The following KCNJ10 variants were observed in gnomAD, a reference collection of about 807,000 sequenced individuals.
KCNJ10 encodes potassium inwardly rectifying channel subfamily J member 10.
A neutral mutation model predicts 22.2 loss-of-function variants in KCNJ10; 9 were observed. The observed-to-expected ratio is 0.40, with a 90% CI of 0.24 to 0.71. KCNJ10 has a LOEUF of 0.71. Among genes scored for constraint, KCNJ10 ranks in the 30% least tolerant of loss-of-function variants. KCNJ10 has a pLI of 0.35. For missense variants in KCNJ10, 337 were observed against 482.7 expected, an observed-to-expected ratio of 0.70 and a Z score of 2.83; for synonymous variants, 184 against 187.3, an observed-to-expected ratio of 0.98 and a Z score of 0.15.
At chr1:160,058,804 C>T (rs1649109118) in intron 1 of KCNJ10, among the ~76,000 whole-genome samples, 1 of 152,202 alleles carries the variant, frequency 6.6e-6, no homozygotes, top group African/African-American at 2.4e-5. Context: ...CACACAAAAC[C>T]TCTCGGTTCT....
At chr1:160,053,626 G>C (rs1292097100) in intron 1 of KCNJ10, among the ~76,000 whole-genome samples, 1 of 151,978 alleles carries the variant, frequency 6.6e-6, no homozygotes, top group Non-Finnish European at 1.5e-5. Context: ...GTGTGTGTGT[G>C]TGTGTGTCCT....
chr1:160,052,747 G>T (rs1648933164), intron 1 of KCNJ10, among the ~76,000 whole-genome samples: 1 of 152,198 alleles, frequency 6.6e-6, no homozygotes, highest in African/African-American at 2.4e-5. Context: ...TGTGACCTCA[G>T]TCAAGCCTCT....
At chr1:160,056,250 C>A (rs1039902603) in intron 1 of KCNJ10, among the ~76,000 whole-genome samples, 4 of 152,140 alleles carry the variant, frequency 2.6e-5, no homozygotes, top group African/African-American at 9.7e-5. Context: ...CACATTCTGA[C>A]CCCATCACTT....
intron 1 of KCNJ10, among the ~76,000 whole-genome samples, chr1:160,059,277 G>C (rs1649126038): frequency 6.6e-6 from 1 of 152,116 alleles, no homozygotes; most frequent in Non-Finnish European, 1.5e-5. Flanking sequence ...AGTCCTCTAT[G>C]GTCATCACGT....
intron 1 of KCNJ10, among the ~76,000 whole-genome samples, chr1:160,049,671 T>TTATTTATATATATATA (rs1648830486): frequency 9.0e-5 from 5 of 55,500 alleles, no homozygotes; most frequent in Non-Finnish European, 1.8e-4. Flanking sequence ...AGCATTTTAT[T>TTATTTATATATATATA]TATTTATATA....
intron 1 of KCNJ10, among the ~76,000 whole-genome samples, chr1:160,052,892 A>C (rs1648936163): frequency 6.6e-6 from 1 of 152,230 alleles, no homozygotes; most frequent in Non-Finnish European, 1.5e-5. Context: ...TATTTCCTGA[A>C]GTTATCAATT....
chr1:160,049,722 T>TTTATATATATATA (rs1648856964), intron 1 of KCNJ10, among the ~76,000 whole-genome samples: 1 of 122,898 alleles, frequency 8.1e-6, no homozygotes, highest in Admixed American at 8.9e-5. Context: ...TATATATATG[T>TTTATATATATATA]TATCCTAAAG....
intron 1 of KCNJ10, among the ~76,000 whole-genome samples, chr1:160,055,061 C>G (rs1648994330): frequency 6.6e-6 from 1 of 152,230 alleles, no homozygotes; most frequent in Non-Finnish European, 1.5e-5. Context: ...CATAACCTCA[C>G]AGCCCCTTCC....
intron 1 of KCNJ10, among the ~76,000 whole-genome samples, chr1:160,058,261 T>TG (rs1408185784): frequency 6.6e-6 from 1 of 152,148 alleles, no homozygotes; most frequent in Non-Finnish European, 1.5e-5. Context: ...TTTGGACACT[T>TG]GGGGGCACTG....
intron 1 of KCNJ10, among the ~76,000 whole-genome samples, chr1:160,049,689 A>ATATATATATATATATATATATATATT (rs1648847622): frequency 2.8e-5 from 3 of 108,556 alleles, no homozygotes; most frequent in African/African-American, 7.5e-5. Flanking sequence ...ATATATATAT[A>ATATATATATATATATATATATATATT]TATATATATA....
At chr1:160,057,153 G>T (rs1650112341) in intron 1 of KCNJ10, among the ~76,000 whole-genome samples, 5 of 152,188 alleles carry the variant, frequency 3.3e-5, no homozygotes, top group African/African-American at 7.2e-5. Context: ...TAAAGTATAT[G>T]AAATCTGTAA....
chr1:160,066,426 G>C (rs989164540), intron 1 of KCNJ10, among the ~76,000 whole-genome samples: 1 of 152,158 alleles, frequency 6.6e-6, no homozygotes, highest in African/African-American at 2.4e-5. Flanking sequence ...ACAAAGAAGG[G>C]CTGGGACAAA....
chr1:160,067,701 C>T (rs555425706), intron 1 of KCNJ10, among the ~76,000 whole-genome samples: 122 of 152,224 alleles, frequency 8.0e-4, no homozygotes, highest in Admixed American at 2.1e-3. Context: ...AGCTTAGGGA[C>T]TCCATTGCCC....
intron 1 of KCNJ10, among the ~76,000 whole-genome samples, chr1:160,059,851 C>T (rs1474332938): frequency 1.3e-5 from 2 of 152,170 alleles, no homozygotes; most frequent in Admixed American, 1.3e-4. Flanking sequence ...ATGAGTTCTC[C>T]ACCTCTTTCT....
In KCNJ10 at chr1:160,040,757, C is replaced by G. The variant is rs1557967258; in HGVS notation, c.*636G>C. 1 of 399,400 alleles carries G rather than the reference C, an allele frequency of 2.5e-6. No individual in the cohort carries two copies. The highest frequency in any genetic ancestry group is 4.4e-6 in the Non-Finnish European group (1 of 226,678). 24.7% of individuals were successfully genotyped at this position (399,400 alleles called of 1,614,324 possible). A position where few individuals can be genotyped will look rare whatever the true frequency, so the allele number is the denominator to read the frequency against. Reference sequence around the variant, plus strand: ...CAGAGGCTATGAGGGAACTGGGTATCCTGAGAGTGTTCACTTGAGAAACTA... The same window carrying G: ...CAGAGGCTATGAGGGAACTGGGTATGCTGAGAGTGTTCACTTGAGAAACTA... On this transcript the variant is annotated 3_prime_UTR_variant, in exon 2 of 2. Coordinates refer to ENST00000644903, the MANE Select transcript of KCNJ10 (RefSeq NM_002241.5).
intron 1 of KCNJ10, 148 bp from the exon 2 acceptor site, chr1:160,042,680 G>T: frequency 1.2e-6 from 1 of 851,014 alleles, no homozygotes; most frequent in Non-Finnish European, 1.9e-6. Context: ...CACTTGCTAT[G>T]TGCCAGGCAC....
chr1:160,048,136 G>C (rs969030660), intron 1 of KCNJ10, among the ~76,000 whole-genome samples: 1 of 152,218 alleles, frequency 6.6e-6, no homozygotes, highest in South Asian at 2.1e-4. Context: ...TAAGACCACT[G>C]ACTCTGCCTT....
intron 1 of KCNJ10, among the ~76,000 whole-genome samples, chr1:160,046,861 C>A (rs907175324): frequency 1.3e-5 from 2 of 152,222 alleles, no homozygotes; most frequent in Non-Finnish European, 2.9e-5. Context: ...CATACTCTTT[C>A]CTCTAGAGGG....
At chr1:160,060,695 G>A (rs970096701) in intron 1 of KCNJ10, among the ~76,000 whole-genome samples, 3 of 152,162 alleles carry the variant, frequency 2.0e-5, no homozygotes, top group Non-Finnish European at 4.4e-5. Context: ...AAGTCTCTGG[G>A]ATCCCAATGG....
Sources: gnomAD v4.1 joint callset for allele counts (sites outside exome capture counted in the v4.1 genomes callset) on GRCh38, gnomAD v4.1.1 for gene constraint, MANE v1.5 for transcripts, NCBI Gene and HGNC (gene_info 2026-07-23, HGNC 2026-07-21) for gene names.